The following PPP2R2B variants were observed in gnomAD, a reference collection of about 807,000 sequenced individuals.
PPP2R2B encodes protein phosphatase 2 regulatory subunit Bbeta, also known as serine/threonine-protein phosphatase 2A 55 kDa regulatory subunit B beta isoform.
PPP2R2B carries 5 observed loss-of-function variants against 46.0 expected under a neutral mutation model. That is an observed-to-expected ratio of 0.11 (90% CI 0.06 to 0.23). The LOEUF is 0.23. Among genes scored for constraint, PPP2R2B ranks in the 10% least tolerant of loss-of-function variants. The pLI, the probability that PPP2R2B is intolerant of heterozygous loss-of-function variation, is 1.00. For synonymous variants in PPP2R2B, 215 were observed against 206.7 expected, an observed-to-expected ratio of 1.04 and a Z score of -0.34; for missense variants, 367 against 575.0, an observed-to-expected ratio of 0.64 and a Z score of 3.70.
intron 7 of PPP2R2B, among the ~76,000 whole-genome samples, chr5:146,605,678 A>G (rs1581697412): frequency 6.6e-6 from 1 of 152,238 alleles, no homozygotes. Context: ...CCCAGGGGGC[A>G]TGACTGCCCC....
At chr5:146,895,734 T>C (rs578055984) in intron 1 of PPP2R2B, among the ~76,000 whole-genome samples, 1 of 152,328 alleles carries the variant, frequency 6.6e-6, no homozygotes, top group African/African-American at 2.4e-5. Context: ...TATTTTGTAA[T>C]ATGTTTATGG....
At chr5:146,787,359 C>A (rs922673417) in intron 2 of PPP2R2B, among the ~76,000 whole-genome samples, 1 of 152,146 alleles carries the variant, frequency 6.6e-6, no homozygotes, top group Non-Finnish European at 1.5e-5. Flanking sequence ...GGAAGATAGA[C>A]GCATAGATTT....
At chr5:146,769,388 T>C (rs986170178) in intron 2 of PPP2R2B, among the ~76,000 whole-genome samples, 2 of 152,224 alleles carry the variant, frequency 1.3e-5, no homozygotes, top group Non-Finnish European at 2.9e-5. Context: ...GTGATTCTGA[T>C]ACAGGCTAAA....
chr5:146,964,253 G>A (rs773867963), intron 1 of PPP2R2B, among the ~76,000 whole-genome samples: 63 of 152,282 alleles, frequency 4.1e-4, no homozygotes, highest in Middle Eastern at 3.4e-3. Flanking sequence ...TGTTGTGTGA[G>A]CTGTTCATAG....
intron 1 of PPP2R2B, among the ~76,000 whole-genome samples, chr5:146,924,880 T>A (rs1436037553): frequency 1.3e-5 from 2 of 152,166 alleles, no homozygotes; most frequent in Non-Finnish European, 2.9e-5. Flanking sequence ...CATCCTTTTT[T>A]ATGGCTGCAT....
intron 3 of PPP2R2B, among the ~76,000 whole-genome samples, chr5:146,700,530 T>C (rs1270555724): frequency 1.3e-5 from 2 of 152,300 alleles, no homozygotes; most frequent in South Asian, 4.1e-4. Context: ...CCTACAGTGA[T>C]ACTGTGATGT....
chr5:147,052,709 C>T (rs971768782), intron 1 of PPP2R2B, among the ~76,000 whole-genome samples: 1 of 152,084 alleles, frequency 6.6e-6, no homozygotes, highest in African/African-American at 2.4e-5. Context: ...GCAGGAGAGT[C>T]GGGCGGGGCT....
At chr5:146,601,594 T>C (rs572127298) in intron 7 of PPP2R2B, among the ~76,000 whole-genome samples, 15 of 152,332 alleles carry the variant, frequency 9.8e-5, no homozygotes, top group Admixed American at 9.8e-4. Flanking sequence ...TGGACTGCCT[T>C]GGGTCTAAGC....
intron 1 of PPP2R2B, among the ~76,000 whole-genome samples, chr5:147,005,334 C>T (rs1754385170): frequency 6.6e-6 from 1 of 152,212 alleles, no homozygotes; most frequent in African/African-American, 2.4e-5. Context: ...CCTCTTCCCC[C>T]AGGGACCAGT....
At chr5:146,788,679 C>A (rs1419948621) in intron 2 of PPP2R2B, among the ~76,000 whole-genome samples, 6 of 152,094 alleles carry the variant, frequency 3.9e-5, no homozygotes, top group Non-Finnish European at 1.5e-5. Context: ...TGCAGTGGTC[C>A]GAGATCGTGC....
chr5:146,976,713 A>T (rs1273876528), intron 1 of PPP2R2B, among the ~76,000 whole-genome samples: 3 of 152,102 alleles, frequency 2.0e-5, no homozygotes, highest in Non-Finnish European at 4.4e-5. Context: ...TACCATATGG[A>T]TTTATTTAAT....
intron 2 of PPP2R2B, among the ~76,000 whole-genome samples, chr5:146,793,335 C>G (rs1254160908): frequency 6.6e-6 from 1 of 152,234 alleles, no homozygotes; most frequent in Admixed American, 6.5e-5. Context: ...TTTGAAGCAG[C>G]AGTTGCATAA....
At chr5:147,077,514 C>T (rs75392963) in intron 2 of PPP2R2B, among the ~76,000 whole-genome samples, 4,899 of 152,076 alleles carry the variant, frequency 0.032, 102 homozygotes, top group African/African-American at 0.053. Flanking sequence ...TGACTTTGAG[C>T]GTATAGAAAA....
chr5:146,919,494 G>C (rs1310974758), intron 1 of PPP2R2B: 1 of 152,182 alleles, frequency 6.6e-6, no homozygotes, highest in African/African-American at 2.4e-5. Flanking sequence ...ACATGCAAAA[G>C]AGAAAGTGAG....
intron 1 of PPP2R2B, among the ~76,000 whole-genome samples, chr5:146,997,692 G>A (rs922975419): frequency 5.9e-5 from 9 of 152,140 alleles, no homozygotes; most frequent in African/African-American, 2.2e-4. Context: ...GCTAACAGTA[G>A]ACTCAGTAAT....
At chr5:146,706,726 G>A in intron 2 of PPP2R2B, 1 of 823,680 alleles carries the variant, frequency 1.2e-6, no homozygotes, top group Non-Finnish European at 2.1e-6. Context: ...TTTGTAAGAC[G>A]CAGGTCTTCC....
intron 5 of PPP2R2B, among the ~76,000 whole-genome samples, chr5:146,659,153 T>C: frequency 6.6e-6 from 1 of 152,222 alleles, no homozygotes. Context: ...CATATTCTTT[T>C]AGTGGGTATT....
chr5:146,726,791 T>C (rs1751896911), intron 2 of PPP2R2B, among the ~76,000 whole-genome samples: 1 of 152,164 alleles, frequency 6.6e-6, no homozygotes, highest in Non-Finnish European at 1.5e-5. Flanking sequence ...GTATAAATTA[T>C]CCAAAGTCGC....
upstream of PPP2R2B, chr5:146,878,958 G>T (rs1224134051): frequency 1.8e-6 from 2 of 1,115,092 alleles, no homozygotes; most frequent in Non-Finnish European, 2.2e-6. This position sits in a 1 kb window ranked among gnomAD's most constrained non-coding sequence, Gnocchi z 4.5. Context: ...ACGCATAGAC[G>T]CGCTCTTCCA....
Sources: allele counts gnomAD v4.1 joint callset (sites outside exome capture counted in the v4.1 genomes callset), GRCh38; gene constraint gnomAD v4.1.1; non-coding constraint Gnocchi (gnomAD v3.1); transcripts MANE v1.5; gene names NCBI Gene and HGNC (gene_info 2026-07-23, HGNC 2026-07-21).